COLEC11: variants seen among roughly 807,000 people sequenced by gnomAD.
COLEC11 encodes the protein collectin subfamily member 11, also known as collectin-11.
COLEC11 carries 20 observed loss-of-function variants against 27.3 expected under a neutral mutation model. That is an observed-to-expected ratio of 0.73 (90% CI 0.51 to 1.06). The LOEUF (loss-of-function observed/expected upper bound fraction) is 1.06. Among genes scored for constraint, COLEC11 ranks in the 50% least tolerant of loss-of-function variants. The pLI is 0.00. For synonymous variants in COLEC11, 163 were observed against 154.7 expected, an observed-to-expected ratio of 1.05 and a Z score of -0.40; for missense variants, 310 against 383.0, an observed-to-expected ratio of 0.81 and a Z score of 1.59.
chr2:3,640,169 G>A (rs1425124195), intron 4 of COLEC11, 109 bp from the exon 5 acceptor site: 3 of 747,582 alleles, frequency 4.0e-6, no homozygotes, highest in Non-Finnish European at 7.2e-6. Context: ...GCAACAAGAG[G>A]GCCTGGGATA....
intron 2 of COLEC11, among the ~76,000 whole-genome samples, chr2:3,609,679 G>A (rs1663039107): frequency 6.6e-6 from 1 of 152,026 alleles, no homozygotes; most frequent in Non-Finnish European, 1.5e-5. Flanking sequence ...ATAGGCACCC[G>A]CTACCACGCC....
chr2:3,618,048 T>G (rs1663907898), intron 3 of COLEC11, among the ~76,000 whole-genome samples: 1 of 152,274 alleles, frequency 6.6e-6, no homozygotes, highest in Admixed American at 6.5e-5. Context: ...TATTTGTTTT[T>G]CGGCTATTGA....
chr2:3,621,347 C>T lies in COLEC11; in HGVS notation c.202+7965C>T, dbSNP rs1664174680. ...TGATATAAAATAAATATAGCTACGCCTATTCTGTTTTGGTTTCAATTTGTG... is the reference window on the plus strand; with the variant it reads ...TGATATAAAATAAATATAGCTACGCTTATTCTGTTTTGGTTTCAATTTGTG... On this transcript the variant is annotated intron_variant, in intron 3 of 6. Transcript: ENST00000349077. Among the ~76,000 whole-genome samples, 3 of 152,180 alleles carry T rather than the reference C, an allele frequency of 2.0e-5. 1 individual carries two copies. In the South Asian group the frequency reaches 6.2e-4, roughly 32 times the overall value.
At chr2:3,631,390 A>G (rs1241587127) in intron 3 of COLEC11, among the ~76,000 whole-genome samples, 3 of 152,204 alleles carry the variant, frequency 2.0e-5, no homozygotes, top group Non-Finnish European at 4.4e-5. Context: ...GCCAAAGAAC[A>G]ATAACATCTG....
rs1432208097 is a variant in COLEC11, at chr2:3,644,486, C to T, written c.*368C>T. The T allele has an allele frequency of 4.1e-6, 2 of 486,098 alleles. No individual in the cohort carries two copies. The highest frequency in any genetic ancestry group is 4.6e-5 in the Admixed American group (2 of 43,418). The allele number at this position is 486,098 out of a possible 1,614,324, so 30.1% of individuals were successfully genotyped here. On this transcript the variant is annotated 3_prime_UTR_variant, in exon 7 of 7. Coordinates refer to ENST00000349077, the MANE Select transcript of COLEC11 (RefSeq NM_024027.5). The stretch of plus-strand genomic sequence containing the variant: ...GTGGCAATGGGGTCTTGAATTACTA[C>T]CTTTTAATTTCTATATGGAAAAGAA...
chr2:3,603,192 C>T, intron 1 of COLEC11, among the ~76,000 whole-genome samples: 1 of 152,238 alleles, frequency 6.6e-6, no homozygotes, highest in East Asian at 1.9e-4. Flanking sequence ...GGGCTGCTGT[C>T]CGCACTCTGC....
chr2:3,608,106 ATAAC>A (rs1389335280), intron 2 of COLEC11, among the ~76,000 whole-genome samples: 3 of 152,262 alleles, frequency 2.0e-5, no homozygotes, highest in Non-Finnish European at 2.9e-5. Context: ...TCTCAATAAA[ATAAC>A]TGACATGCGC....
At chr2:3,625,858 C>G (rs1444279220) in intron 3 of COLEC11, among the ~76,000 whole-genome samples, 1 of 152,188 alleles carries the variant, frequency 6.6e-6, no homozygotes, top group East Asian at 1.9e-4. Flanking sequence ...GTCTTGAACT[C>G]CTGACCTCAA....
At chr2:3,621,043 G>A (rs1022462191) in intron 3 of COLEC11, among the ~76,000 whole-genome samples, 7 of 152,242 alleles carry the variant, frequency 4.6e-5, no homozygotes, top group Admixed American at 2.0e-4. Flanking sequence ...AGCTCCATTC[G>A]GTCTAAAGTG....
intron 1 of COLEC11, among the ~76,000 whole-genome samples, chr2:3,596,153 G>A (rs573981813): frequency 1.4e-4 from 21 of 152,218 alleles, no homozygotes; most frequent in African/African-American, 4.8e-4. Flanking sequence ...TGTAGGGAGG[G>A]AAACACCGCG....
At chr2:3,628,827 A>G (rs1050885354) in intron 3 of COLEC11, among the ~76,000 whole-genome samples, 3 of 152,250 alleles carry the variant, frequency 2.0e-5, no homozygotes, top group East Asian at 1.9e-4. Flanking sequence ...GCTGCCCTCA[A>G]TCCTCATGCG....
At chr2:3,640,085 T>C (rs1386124725) in intron 4 of COLEC11, among the ~76,000 whole-genome samples, 193 bp from the exon 5 acceptor site, 1 of 152,188 alleles carries the variant, frequency 6.6e-6, no homozygotes, top group Admixed American at 6.5e-5. Context: ...CCCCATGACA[T>C]GTATATGGTT....
chr2:3,598,641 G>A (rs559588817), intron 1 of COLEC11, among the ~76,000 whole-genome samples: 5 of 152,274 alleles, frequency 3.3e-5, no homozygotes, highest in Admixed American at 1.3e-4. Context: ...TAATATCCGC[G>A]TGAGCACAGG....
chr2:3,624,461 A>G (rs1030428588), intron 3 of COLEC11, among the ~76,000 whole-genome samples: 13 of 152,208 alleles, frequency 8.5e-5, no homozygotes, highest in African/African-American at 3.1e-4. Context: ...TCACCTCAGT[A>G]TTGGAGGTGA....
chr2:3,609,073 A>G (rs1289927920), intron 2 of COLEC11, among the ~76,000 whole-genome samples: 1 of 152,258 alleles, frequency 6.6e-6, no homozygotes, highest in Admixed American at 6.5e-5. Flanking sequence ...GCTGCCCAGC[A>G]CTGGCTGAAA....
chr2:3,612,497 C>G (rs1038071561), intron 2 of COLEC11, among the ~76,000 whole-genome samples: 1 of 145,142 alleles, frequency 6.9e-6, no homozygotes, highest in Non-Finnish European at 1.5e-5. Flanking sequence ...AGGGAAAGAC[C>G]GGGGTCCGAT....
chr2:3,616,219 C>G (rs1317271901), intron 3 of COLEC11, among the ~76,000 whole-genome samples: 11 of 151,060 alleles, frequency 7.3e-5, no homozygotes, highest in Non-Finnish European at 1.5e-4. Context: ...GGCAGAGACG[C>G]TCCTCACTTC....
intron 2 of COLEC11, among the ~76,000 whole-genome samples, chr2:3,605,263 G>C (rs1278405739): frequency 1.3e-5 from 2 of 151,770 alleles, no homozygotes; most frequent in African/African-American, 4.8e-5. Flanking sequence ...CCGCAGCAGA[G>C]TCCAGGCCGC....
At chr2:3,629,906 G>A (rs1189990920) in intron 3 of COLEC11, among the ~76,000 whole-genome samples, 1 of 152,166 alleles carries the variant, frequency 6.6e-6, no homozygotes, top group Admixed American at 6.5e-5. Context: ...TAAGTTTTAT[G>A]TATGTGTATA....
Sources: allele counts gnomAD v4.1 joint callset (sites outside exome capture counted in the v4.1 genomes callset), GRCh38; gene constraint gnomAD v4.1.1; transcripts MANE v1.5; gene names NCBI Gene and HGNC (gene_info 2026-07-23, HGNC 2026-07-21).